The following PHKB variants were observed in gnomAD, a reference collection of about 807,000 sequenced individuals.
PHKB encodes phosphorylase kinase regulatory subunit beta.
In PHKB, 122 loss-of-function variants were observed where a neutral mutation model predicts 152.1. The ratio of observed to expected loss-of-function variants is 0.80; its 90% CI spans 0.69 to 0.93. The LOEUF is 0.93. Ranked by LOEUF, PHKB falls within the 40% of genes least tolerant of loss-of-function variation. The pLI is 0.00. For synonymous variants in PHKB, 436 were observed against 464.9 expected (o/e 0.94, Z 0.80); for missense variants, 1,304 against 1,328.4 (o/e 0.98, Z 0.29).
rs75589113 is a variant in PHKB at position 47,540,819 on chromosome 16, GTT to G, written c.595-6592_595-6591del. On this transcript the variant is annotated intron_variant, in intron 6 of 30. Coordinates refer to ENST00000323584, the MANE Select transcript of PHKB (RefSeq NM_000293.3). ...CTTTAGTATCTAATCTAAATGTCCT[GTT>G]TTTTTTTTTTTTTTTTTTTTTGGAG... Among the ~76,000 whole-genome samples, 564 of 64,296 alleles carry G rather than the reference GTT, an allele frequency of 8.8e-3. 2 individuals are homozygous for G. Among genetic ancestry groups the G allele is most frequent in the African/African-American group, 0.032 (497 of 15,566 alleles). 42.2% of individuals were successfully genotyped at this position (64,296 alleles called of 152,430 possible).
intron 26 of PHKB, among the ~76,000 whole-genome samples, chr16:47,678,715 T>G (rs2142089770): frequency 6.6e-6 from 1 of 152,132 alleles, no homozygotes; most frequent in Admixed American, 6.5e-5. Flanking sequence ...TCCCATTCTG[T>G]AGGTTGCCTG....
intron 7 of PHKB, among the ~76,000 whole-genome samples, chr16:47,553,648 G>C (rs981447068): frequency 6.6e-6 from 1 of 152,096 alleles, no homozygotes; most frequent in Non-Finnish European, 1.5e-5. Flanking sequence ...TTTTTGCACT[G>C]GTTTCTCCCC....
intron 14 of PHKB, among the ~76,000 whole-genome samples, chr16:47,628,827 A>G (rs1972761931): frequency 6.6e-6 from 1 of 152,150 alleles, no homozygotes; most frequent in Non-Finnish European, 1.5e-5. Flanking sequence ...AAACAGAGAT[A>G]TAGATCAATG....
Position 47,565,515 on chromosome 16 carries a change from A to G in PHKB, c.711-14780A>G, listed in dbSNP as rs1971550034. On this transcript the variant is annotated intron_variant, in intron 7 of 30. Transcript: ENST00000323584. ...CTGGCATTACCTTTAGGGGCTGATC[A>G]GGTTTGGGAGTTTTAGAAGTTGGAG... is the stretch of plus-strand genomic sequence containing the variant. 3.1e-6 allele frequency: 4 copies of G among 1,293,050 alleles called. No individual in the cohort carries two copies. The South Asian group carries it at 4.7e-5, about 15-fold the overall frequency. 80.1% of individuals were successfully genotyped at this position (1,293,050 alleles called of 1,614,324 possible). A position where few individuals can be genotyped will look rare whatever the true frequency, so the allele number is the denominator to read the frequency against.
chr16:47,468,274 T>C lies in PHKB; in HGVS notation c.76+6848T>C, dbSNP rs9936017. On this transcript the variant is annotated intron_variant, in intron 1 of 30. Transcript: ENST00000323584. ...TTATCTCACTACAGTCTGTTCTCTG[T>C]CAAGCAGTGAGATGGGTCTTTAAGA... Among the ~76,000 whole-genome samples, 770 of 152,330 alleles carry C rather than the reference T, an allele frequency of 5.1e-3. 8 individuals carry two copies. Among genetic ancestry groups the C allele is most frequent in the African/African-American group, 0.018 (733 of 41,580 alleles).
At chr16:47,558,606 G>A (rs1555482888) in intron 7 of PHKB, among the ~76,000 whole-genome samples, 1 of 152,232 alleles carries the variant, frequency 6.6e-6, no homozygotes, top group Non-Finnish European at 1.5e-5. Flanking sequence ...CTGGAGTGCA[G>A]TGGTGCGATC....
intron 6 of PHKB, among the ~76,000 whole-genome samples, chr16:47,543,363 G>A (rs1175749386): frequency 6.6e-6 from 1 of 152,198 alleles, no homozygotes; most frequent in Non-Finnish European, 1.5e-5. Context: ...ACTTGATCGT[G>A]TTGGATAAGC....
intron 14 of PHKB, among the ~76,000 whole-genome samples, chr16:47,640,340 A>G (rs1042209959): frequency 6.6e-6 from 1 of 152,194 alleles, no homozygotes; most frequent in African/African-American, 2.4e-5. Context: ...TTCTCTGTTA[A>G]TTATATACAG....
intron 5 of PHKB, among the ~76,000 whole-genome samples, chr16:47,514,235 A>G (rs1325862255): frequency 6.6e-6 from 1 of 152,086 alleles, no homozygotes; most frequent in Non-Finnish European, 1.5e-5. Context: ...GAGGGAGGGA[A>G]GGAGAGGTTG....
chr16:47,561,811 T>C (rs2151682073), intron 7 of PHKB: 1 of 152,356 alleles, frequency 6.6e-6, no homozygotes, highest in South Asian at 2.1e-4. Context: ...GAATGATGTT[T>C]CCAGAAGAAT....
chr16:47,569,699 A>G lies in PHKB; in HGVS notation c.711-10596A>G, dbSNP rs181136033. ...CAGTGGCATGATCTTGGCTCACTACAAACTCTGCCCTCCCAGGCTTAAGCG... is the reference window on the plus strand; with the variant it reads ...CAGTGGCATGATCTTGGCTCACTACGAACTCTGCCCTCCCAGGCTTAAGCG... On this transcript the variant is annotated intron_variant, in intron 7 of 30. Transcript: ENST00000323584. Among the ~76,000 whole-genome samples the G allele has an allele frequency of 5.3e-5, 8 of 152,274 alleles. No homozygotes were observed. In the East Asian group the frequency reaches 1.5e-3, roughly 29 times the overall value.
chr16:47,578,722 G>T (rs1416900897), intron 7 of PHKB, among the ~76,000 whole-genome samples: 1 of 152,134 alleles, frequency 6.6e-6, no homozygotes, highest in Non-Finnish European at 1.5e-5. Context: ...CTTCTTCCTT[G>T]TAGTTTTCTG....
In PHKB at chr16:47,533,596, T is replaced by C. The variant is rs1970900471; in HGVS notation, c.595-13837T>C. On this transcript the variant is annotated intron_variant, in intron 6 of 30. Coordinates refer to ENST00000323584, the MANE Select transcript of PHKB (RefSeq NM_000293.3). Reference sequence around the variant, plus strand: ...GCATGTTTGCACCGCCCTGAGCATGTGCACACTTGGCTGGGCTGTTATAGC... The same window carrying C: ...GCATGTTTGCACCGCCCTGAGCATGCGCACACTTGGCTGGGCTGTTATAGC... 2.0e-5 allele frequency among the ~76,000 whole-genome samples: 3 copies of C among 152,202 alleles called. No individual in the cohort carries two copies. The South Asian group carries it at 6.2e-4, about 31-fold the overall frequency.
intron 26 of PHKB, among the ~76,000 whole-genome samples, chr16:47,680,800 G>C (rs761856725): frequency 1.3e-5 from 2 of 151,908 alleles, no homozygotes; most frequent in African/African-American, 2.4e-5. Context: ...GTCATTTCTT[G>C]CCTTCTGCTA....
Position 47,542,046 on chromosome 16 carries a change from G to A in PHKB, c.595-5387G>A, listed in dbSNP as rs539512179. On this transcript the variant is annotated intron_variant, in intron 6 of 30. Transcript: ENST00000323584. ...TTGGCTTTTGTTACCATTGCTTTTG[G>A]TGTTTTAGTCATTAAGTCCTTGCCC... Among the ~76,000 whole-genome samples, 127 of 152,194 alleles carry A rather than the reference G, an allele frequency of 8.3e-4. 1 individual carries two copies. The highest frequency in any genetic ancestry group is 2.9e-3 in the African/African-American group (121 of 41,534).
intron 1 of PHKB, among the ~76,000 whole-genome samples, chr16:47,470,500 C>G (rs561583829): frequency 2.1e-4 from 32 of 152,204 alleles, no homozygotes; most frequent in Non-Finnish European, 4.7e-4. Flanking sequence ...ATGAACGTAT[C>G]GCAGTGCTGC....
At position 47,645,836 on chromosome 16, in the gene PHKB, T is replaced by C. The variant is rs867592753; in HGVS notation, c.1609-2697T>C. Among the ~76,000 whole-genome samples the C allele has an allele frequency of 3.0e-4, 33 of 111,720 alleles. No homozygotes were observed. In the Middle Eastern group the frequency reaches 0.02, roughly 68 times the overall value. The allele number at this position is 111,720 out of a possible 152,430, so 73.3% of individuals were successfully genotyped here. A position where few individuals can be genotyped will look rare whatever the true frequency, so the allele number is the denominator to read the frequency against. On this transcript the variant is annotated intron_variant, in intron 16 of 30. Transcript: ENST00000323584. ...AAATCAAAACCACTATGAGATATCATCTCACACCAGTTAGAATGGCAATCA... is the reference window on the plus strand; with the variant it reads ...AAATCAAAACCACTATGAGATATCACCTCACACCAGTTAGAATGGCAATCA...
intron 16 of PHKB, among the ~76,000 whole-genome samples, chr16:47,646,577 A>AAT (rs1180995827): frequency 6.7e-6 from 1 of 149,940 alleles, no homozygotes; most frequent in African/African-American, 2.4e-5. Flanking sequence ...AATAATAAAA[A>AAT]AAAAAAAGGA....
intron 28 of PHKB, 84 bp from the exon 29 acceptor site, chr16:47,696,297 A>G: frequency 1.3e-6 from 1 of 778,548 alleles, no homozygotes; most frequent in Non-Finnish European, 2.3e-6. Context: ...GAAAACTATT[A>G]ATGATTAGAA....
Sources: allele counts gnomAD v4.1 joint callset (sites outside exome capture counted in the v4.1 genomes callset), GRCh38; gene constraint gnomAD v4.1.1; transcripts MANE v1.5; gene names NCBI Gene and HGNC (gene_info 2026-07-23, HGNC 2026-07-21).